Variants in ACD observed in about 807,000 individuals in gnomAD.
The protein encoded by ACD is ACD shelterin complex subunit and telomerase recruitment factor.
ACD carries 39 observed loss-of-function variants against 53.9 expected under a neutral mutation model. The ratio of observed to expected loss-of-function variants is 0.72; its 90% confidence interval spans 0.56 to 0.95. The LOEUF (loss-of-function observed/expected upper bound fraction) is 0.95, where lower values mean the gene tolerates loss of function less well. Ranked by LOEUF, ACD falls within the 40% of genes least tolerant of loss-of-function variation. ACD has a pLI of 0.00. For synonymous variants in ACD, 273 were observed against 249.2 expected, an observed-to-expected ratio of 1.10 and a Z score of -0.90; for missense variants, 526 against 587.9, an observed-to-expected ratio of 0.89 and a Z score of 1.09.
In ACD at chr16:67,659,889, G is replaced by A; in HGVS notation, c.242+14C>T. The A allele has an allele frequency of 6.3e-7, 1 of 1,582,756 alleles. No homozygotes were observed. Among genetic ancestry groups the A allele is most frequent in the Non-Finnish European group, 8.6e-7 (1 of 1,162,686 alleles). On this transcript the variant is annotated intron_variant, in intron 2 of 11. Coordinates refer to ENST00000620761, the MANE Select transcript of ACD (RefSeq NM_001082486.2). ...GCCGGACTCCGACCTCCAGAGCCGC[G>A]CGGGGCCTCTCACCAGTCCGAGGTG... is the stretch of plus-strand genomic sequence containing the variant.
chr16:67,658,619 G>T lies in ACD; in HGVS notation c.765C>A (p.Asp255Glu). Residue 255 changes from aspartate to glutamate, a missense_variant, in exon 9 of 12, where the codon GAC (aspartate) becomes GAA (glutamate). Coordinates refer to ENST00000620761, the MANE Select transcript of ACD (RefSeq NM_001082486.2). ...TCAGAGATAGGTCCTGCAGAGCCGGGTCTGGTGGGGGCAGCTCAGGGCCTG... is the reference window on the plus strand; with the variant it reads ...TCAGAGATAGGTCCTGCAGAGCCGGTTCTGGTGGGGGCAGCTCAGGGCCTG... Reference protein sequence around the residue: ...RTQGPELPPPDPALQDLSLTL... With the variant: ...RTQGPELPPPEPALQDLSLTL... 6.3e-7 allele frequency: 1 copy of T among 1,577,276 alleles called. No homozygotes were observed. Among genetic ancestry groups the T allele is most frequent in the Non-Finnish European group, 8.6e-7 (1 of 1,160,460 alleles).
At position 67,658,038 on chromosome 16, in the gene ACD, G is replaced by A. The variant is rs751734599; in HGVS notation, c.1154C>T (p.Pro385Leu). The change falls in exon 10 of 12, where the codon CCT (proline) becomes CTT (leucine). Residue 385 changes from proline to leucine, a missense_variant. Pro to Leu is a moderately conservative substitution (Grantham distance 98, BLOSUM62 -3). Coordinates refer to ENST00000620761, the MANE Select transcript of ACD (RefSeq NM_001082486.2). ...FVGLPCKNRPPFPRTGATRGA... is the reference protein window; with the variant it reads ...FVGLPCKNRPLFPRTGATRGA... ...CCTGGTAGCTCCGGTCCTGGGAAAA[G>A]GCGGCCGATTCTTGCAGGGCAACCC... 6 of 1,547,382 alleles carry A rather than the reference G, an allele frequency of 3.9e-6. No homozygotes were observed. The highest frequency in any genetic ancestry group is 1.4e-5 in the African/African-American group (1 of 72,946).
rs147306863 is a variant in ACD at position 67,658,248 on chromosome 16, G to T, written c.944C>A (p.Pro315His). Residue 315 changes from proline (P) to histidine (H), a missense_variant, in exon 10 of 12, where the codon CCC becomes CAC. Physicochemically the swap from Pro to His is moderately conservative, Grantham distance 77 (BLOSUM62 -2). Coordinates refer to ENST00000620761, the MANE Select transcript of ACD (RefSeq NM_001082486.2). The stretch of plus-strand genomic sequence containing the variant: ...AGGGGCTGAGCAGATGGCTGGTGAG[G>T]GCTGGGAGCTGCTTCTCTGCCCTGG... ...PDPGQRSSSQ[P>H]SPAICSAPAT... 13 of 1,613,584 alleles carry T rather than the reference G, an allele frequency of 8.1e-6. No homozygotes were observed. The East Asian group carries it at 1.3e-4, about 17-fold the overall frequency.
In ACD at chr16:67,659,589, C is replaced by G. The variant is rs771131495; in HGVS notation, c.361G>C (p.Asp121His). The G allele has an allele frequency of 1.9e-6, 3 of 1,613,376 alleles. No individual in the cohort carries two copies. Among genetic ancestry groups the G allele is most frequent in the Non-Finnish European group, 2.5e-6 (3 of 1,179,984 alleles). The stretch of plus-strand genomic sequence containing the variant: ...TCCGTGGGCAGCAGGCTGAAGCGGT[C>G]CACCTGGAGATAGAACTCTGCGGGC... Reference protein sequence around the residue: ...GAPAEFYLQVDRFSLLPTEQP... With the variant: ...GAPAEFYLQVHRFSLLPTEQP... Residue 121 changes from aspartate (D) to histidine (H), a missense_variant, in exon 4 of 12, where the codon GAC becomes CAC. Coordinates refer to ENST00000620761, the MANE Select transcript of ACD (RefSeq NM_001082486.2).
Position 67,658,336 on chromosome 16 carries a change from A to G in ACD, c.856T>C (p.Ser286Pro). The G allele has an allele frequency of 6.2e-7, 1 of 1,613,774 alleles. No individual in the cohort carries two copies. The highest frequency in any genetic ancestry group is 8.5e-7 in the Non-Finnish European group (1 of 1,179,982). The change falls in exon 10 of 12, where the codon TCA becomes CCA. Residue 286 changes from serine to proline, a missense_variant. Ser to Pro is a moderately conservative substitution (Grantham distance 74, BLOSUM62 -1). Coordinates refer to ENST00000620761, the MANE Select transcript of ACD (RefSeq NM_001082486.2). ...ATGCTGGTACCACTTTCCTCGGATG[A>G]CATGTGGCCGGGTAAGGCCGGGGTT... ...SGTPALPGHM[S>P]SEESGTSISL...
Position 67,659,528 on chromosome 16 carries a change from A to T in ACD, c.413+9T>A, listed in dbSNP as rs774274068. 1.9e-6 allele frequency: 3 copies of T among 1,613,056 alleles called. No homozygotes were observed. Among genetic ancestry groups the T allele is most frequent in the Admixed American group, 1.7e-5 (1 of 59,988 alleles). ...GGGAGAGCTGCTGGAGGGCGGAGGC[A>T]TCACTTACCAACCAGGCACCCGTAG... On this transcript the variant is annotated intron_variant, in intron 4 of 11. Transcript: ENST00000620761.
intron 6 of ACD, 31 bp downstream of exon 6, chr16:67,659,196 CGT>C (rs1479677236): frequency 6.8e-6 from 11 of 1,613,732 alleles, no homozygotes; most frequent in Non-Finnish European, 8.5e-6. Flanking sequence ...CACTGCACAG[CGT>C]GTTAGGATCA....
At position 67,658,912 on chromosome 16, in the gene ACD, A is replaced by G. The variant is rs1194183404; in HGVS notation, c.645+16T>C. The G allele has an allele frequency of 4.3e-6, 7 of 1,610,420 alleles. No individual in the cohort carries two copies. The highest frequency in any genetic ancestry group is 5.9e-6 in the Non-Finnish European group (7 of 1,177,316). ...CTCCTCACCCTGACATCTCCCAAGC[A>G]AATCCCCAGACTGACCGTGGCCTTG... On this transcript the variant is annotated intron_variant, in intron 7 of 11. Transcript: ENST00000620761.
chr16:67,660,099 C>T, intron 1 of ACD, 23 bp downstream of exon 1: 1 of 1,612,188 alleles, frequency 6.2e-7, no homozygotes, highest in Middle Eastern at 1.6e-4. Flanking sequence ...GCCTCGGTCT[C>T]CGGGCCCTGA....
rs745338439 is a variant in ACD at position 67,658,174 on chromosome 16, G to C, written c.1018C>G (p.Pro340Ala). Reference protein sequence around the residue: ...SPHASRTPSSPLQSCTPSLSP... With the variant: ...SPHASRTPSSALQSCTPSLSP... ...AGACTGGGAGTGCAGCTCTGGAGTG[G>C]GGAGCTGGGGGTACGGCTGGCGTGT... Residue 340 changes from proline to alanine, a missense_variant, in exon 10 of 12, where the codon CCA becomes GCA. Coordinates refer to ENST00000620761, the MANE Select transcript of ACD (RefSeq NM_001082486.2). 1.2e-6 allele frequency: 2 copies of C among 1,610,430 alleles called. No individual in the cohort carries two copies. Among genetic ancestry groups the C allele is most frequent in the African/African-American group, 2.7e-5 (2 of 74,896 alleles).
intron 5 of ACD, 41 bp from the exon 6 acceptor site, chr16:67,659,304 G>C: frequency 6.2e-7 from 1 of 1,614,088 alleles, no homozygotes; most frequent in Non-Finnish European, 8.5e-7. Context: ...ACCATGCTGA[G>C]GCCTGTCTAC....
rs757919779 is a variant in ACD at position 67,658,739 on chromosome 16, G to A, written c.723C>T (p.Gly241=). The A allele has an allele frequency of 1.2e-6, 2 of 1,613,160 alleles. No homozygotes were observed. Among genetic ancestry groups the A allele is most frequent in the Admixed American group, 1.7e-5 (1 of 59,912 alleles). ...CCTTACCCTGTGTCCTCTGACAGGG[G>A]CCTAGAGAGCTCAGAATTAGCTGGT... ...ENDQLILSSL[G]PCQRTQGPEL... The change falls in exon 8 of 12, where the codon GGC becomes GGT. Residue 241 remains glycine (G), a synonymous_variant. Transcript: ENST00000620761.
In ACD at chr16:67,658,578, G is replaced by A. The variant is rs1198579875; in HGVS notation, c.806C>T (p.Pro269Leu). 2 of 1,571,502 alleles carry A rather than the reference G, an allele frequency of 1.3e-6. No individual in the cohort carries two copies. The highest frequency in any genetic ancestry group is 3.6e-5 in the Admixed American group (2 of 56,040). The change falls in exon 9 of 12, where the codon CCT becomes CTT. Residue 269 changes from proline to leucine, a missense_variant. Pro to Leu is a moderately conservative substitution (Grantham distance 98). Coordinates refer to ENST00000620761, the MANE Select transcript of ACD (RefSeq NM_001082486.2). ...ACCTGAGGAACTGGGTGAGGAAGGA[G>A]GAGAGGCTATGAGGGTCAGAGATAG... ...QDLSLTLIASPPSSPSSSGTP... is the reference protein window; with the variant it reads ...QDLSLTLIASLPSSPSSSGTP...
Position 67,660,227 on chromosome 16 carries a change from G to C in ACD, c.-7C>G, listed in dbSNP as rs999681254. The C allele has an allele frequency of 6.2e-7, 1 of 1,612,532 alleles. No individual in the cohort carries two copies. The highest frequency in any genetic ancestry group is 1.3e-5 in the African/African-American group (1 of 74,904). Reference sequence around the variant, plus strand: ...GCCTCCCCGAACCTGCCATCCCCACGGCTACACCCAGCGGATGCAACGGGC... The same window carrying C: ...GCCTCCCCGAACCTGCCATCCCCACCGCTACACCCAGCGGATGCAACGGGC... On this transcript the variant is annotated 5_prime_UTR_variant, in exon 1 of 12. Transcript: ENST00000620761.
At position 67,658,708 on chromosome 16, in the gene ACD, A is replaced by G; in HGVS notation, c.742+12T>C. The G allele has an allele frequency of 6.2e-7, 1 of 1,603,618 alleles. No homozygotes were observed. The highest frequency in any genetic ancestry group is 8.5e-7 in the Non-Finnish European group (1 of 1,173,698). The stretch of plus-strand genomic sequence containing the variant: ...CCCCAGGTATCCCCCCAACCTCTCC[A>G]GTCCCCCTTACCCTGTGTCCTCTGA... On this transcript the variant is annotated intron_variant, in intron 8 of 11. Transcript: ENST00000620761.
In ACD at chr16:67,658,111, G is replaced by A. The variant is rs1371999681; in HGVS notation, c.1081C>T (p.Leu361Phe). Residue 361 changes from leucine to phenylalanine, a missense_variant, in exon 10 of 12, where the codon CTT becomes TTT. By Grantham distance (22) the Leu-to-Phe change is conservative. Coordinates refer to ENST00000620761, the MANE Select transcript of ACD (RefSeq NM_001082486.2). ...CTAGGTTTCTGGGGCCTGGTCACAA[G>A]AGCCTGGTGTGGACTGGGGACATGG... ...RSHVPSPHQA[L>F]VTRPQKPSLE... 6.3e-7 allele frequency: 1 copy of A among 1,584,782 alleles called. No homozygotes were observed. Among genetic ancestry groups the A allele is most frequent in the Non-Finnish European group, 8.6e-7 (1 of 1,165,400 alleles).
Position 67,659,813 on chromosome 16 carries a change from C to G in ACD, c.243-18G>C. 3 of 1,598,056 alleles carry G rather than the reference C, an allele frequency of 1.9e-6. No homozygotes were observed. The highest frequency in any genetic ancestry group is 1.7e-6 in the Non-Finnish European group (2 of 1,169,608). ...TCTCCTCCCTGCAACAAGCAGGATCCTCACTGCCGGGCCCACCTGAACACA... is the reference window on the plus strand; with the variant it reads ...TCTCCTCCCTGCAACAAGCAGGATCGTCACTGCCGGGCCCACCTGAACACA... On this transcript the variant is annotated intron_variant, in intron 2 of 11. Transcript: ENST00000620761.
At position 67,660,108 on chromosome 16, in the gene ACD, GA is replaced by G. The variant is rs1427230095; in HGVS notation, c.99+13del. 1 of 1,612,414 alleles carries G rather than the reference GA, an allele frequency of 6.2e-7. No individual in the cohort carries two copies. The highest frequency in any genetic ancestry group is 1.7e-5 in the Admixed American group (1 of 60,012). Reference sequence around the variant, plus strand: ...GCCTCCGCCTCGGTCTCCGGGCCCTGAATGGGGGCTCACCTCAAGCAGCTGC... The same window carrying G: ...GCCTCCGCCTCGGTCTCCGGGCCCTGATGGGGGCTCACCTCAAGCAGCTGC... On this transcript the variant is annotated intron_variant, in intron 1 of 11. Coordinates refer to ENST00000620761, the MANE Select transcript of ACD (RefSeq NM_001082486.2).
intron 6 of ACD, 26 bp downstream of exon 6, chr16:67,659,203 G>C (rs751811734): frequency 6.2e-7 from 1 of 1,613,990 alleles, no homozygotes. Flanking sequence ...CAGCGTGTTA[G>C]GATCACTGGT....
Sources: allele counts gnomAD v4.1 joint callset, GRCh38; gene constraint gnomAD v4.1.1; transcripts MANE v1.5; gene names NCBI Gene and HGNC (gene_info 2026-07-23, HGNC 2026-07-21).